Variants in CHSY3 observed in about 807,000 individuals in gnomAD.
CHSY3 encodes the protein N-acetylgalactosaminyl-proteoglycan 3-beta-glucuronosyltransferase 3.
Under a neutral mutation model 67.2 loss-of-function variants are expected in CHSY3, and 35 were observed. That is an observed-to-expected ratio of 0.52 (90% CI 0.40 to 0.69). CHSY3 has a LOEUF of 0.69. CHSY3 is among the 30% of genes least tolerant of loss of function. The probability of loss-of-function intolerance (pLI) is 0.00; values close to 1 mark genes in which losing one functional copy is unlikely to be tolerated. For missense variants in CHSY3, 1,069 were observed against 1,138.5 expected (o/e 0.94, Z 0.88); for synonymous variants, 474 against 434.7 (o/e 1.09, Z -1.12).
chr5:130,060,499 G>T (rs1765676615), intron 2 of CHSY3, among the ~76,000 whole-genome samples: 1 of 152,062 alleles, frequency 6.6e-6, no homozygotes, highest in Non-Finnish European at 1.5e-5. Flanking sequence ...CCAAGAACTG[G>T]AACGAGACAA....
At chr5:129,957,508 A>T (rs1762211528) in intron 2 of CHSY3, among the ~76,000 whole-genome samples, 1 of 152,112 alleles carries the variant, frequency 6.6e-6, no homozygotes, top group South Asian at 2.1e-4. Context: ...TGTATGTGGG[A>T]GATAAACTGA....
chr5:130,000,500 G>A (rs1029920105), intron 2 of CHSY3, among the ~76,000 whole-genome samples: 1 of 151,850 alleles, frequency 6.6e-6, no homozygotes, highest in African/African-American at 2.4e-5. Context: ...GCCGATTTAC[G>A]ATTTTGTGTT....
intron 2 of CHSY3, among the ~76,000 whole-genome samples, chr5:129,928,604 G>T (rs766410879): frequency 2.0e-5 from 3 of 152,004 alleles, no homozygotes; most frequent in East Asian, 3.9e-4. Flanking sequence ...TCTGTAGCTC[G>T]GTGTGGTTCT....
At chr5:129,995,383 C>T (rs1343623725) in intron 2 of CHSY3, among the ~76,000 whole-genome samples, 1 of 151,922 alleles carries the variant, frequency 6.6e-6, no homozygotes, top group African/African-American at 2.4e-5. Context: ...TGGGGTTGGC[C>T]TCTGCACATC....
intron 2 of CHSY3, among the ~76,000 whole-genome samples, chr5:130,173,632 T>C (rs2149733906): frequency 6.6e-6 from 1 of 152,266 alleles, no homozygotes; most frequent in East Asian, 1.9e-4. Context: ...AGCAAAATGT[T>C]CTTATTTTAT....
intron 2 of CHSY3, among the ~76,000 whole-genome samples, chr5:129,953,801 C>A (rs1271937515): frequency 1.3e-5 from 2 of 152,066 alleles, no homozygotes; most frequent in African/African-American, 4.8e-5. Flanking sequence ...CTGTTCATAT[C>A]CTTCTCCCAC....
chr5:129,968,686 G>A (rs951100940), intron 2 of CHSY3, among the ~76,000 whole-genome samples: 2 of 151,822 alleles, frequency 1.3e-5, no homozygotes, highest in African/African-American at 4.8e-5. Context: ...GGAACCAACA[G>A]TTTTGAATGA....
chr5:130,000,492 C>T (rs997222001), intron 2 of CHSY3, among the ~76,000 whole-genome samples: 4 of 152,122 alleles, frequency 2.6e-5, no homozygotes, highest in Admixed American at 6.5e-5. Context: ...TGTCTCTTGC[C>T]GATTTACGAT....
chr5:130,184,243 C>T lies in CHSY3; in HGVS notation c.1101C>T (p.Phe367=), dbSNP rs902190145. ...CVWSYEMQQL[F]HENYEHNRKG... is the part of the protein sequence containing the mutation. The stretch of plus-strand genomic sequence containing the variant: ...TTACTTTTCAGATGCAACAACTGTT[C>T]CATGAAAATTATGAACACAATCGGA... Residue 367 remains phenylalanine (F), a synonymous_variant, in exon 3 of 3, where the codon TTC becomes TTT. Transcript: ENST00000305031. The T allele has an allele frequency of 1.9e-6, 3 of 1,538,590 alleles. No individual in the cohort carries two copies. Among genetic ancestry groups the T allele is most frequent in the African/African-American group, 2.8e-5 (2 of 72,564 alleles).
At chr5:130,065,038 G>A (rs1765838778) in intron 2 of CHSY3, among the ~76,000 whole-genome samples, 2 of 152,124 alleles carry the variant, frequency 1.3e-5, no homozygotes, top group Non-Finnish European at 2.9e-5. Context: ...CATAGGCTGT[G>A]AATAGAACTT....
At chr5:129,928,604 G>A (rs766410879) in intron 2 of CHSY3, among the ~76,000 whole-genome samples, 5 of 151,886 alleles carry the variant, frequency 3.3e-5, no homozygotes, top group South Asian at 2.1e-4. Context: ...TCTGTAGCTC[G>A]GTGTGGTTCT....
chr5:130,076,991 A>G (rs1163359070), intron 2 of CHSY3, among the ~76,000 whole-genome samples: 1 of 151,698 alleles, frequency 6.6e-6, no homozygotes, highest in Non-Finnish European at 1.5e-5. Context: ...AGATATACCT[A>G]ATGCTAAATG....
intron 2 of CHSY3, among the ~76,000 whole-genome samples, chr5:129,959,714 A>G (rs376535100): frequency 6.6e-6 from 1 of 152,148 alleles, no homozygotes; most frequent in African/African-American, 2.4e-5. Flanking sequence ...TTTCTATGTC[A>G]TCAGCATAGG....
At chr5:130,039,042 TA>T (rs1310892017) in intron 2 of CHSY3, among the ~76,000 whole-genome samples, 2 of 152,014 alleles carry the variant, frequency 1.3e-5, no homozygotes, top group Non-Finnish European at 2.9e-5. Flanking sequence ...AGAAAGAAAA[TA>T]AAAAATTAAT....
chr5:130,093,645 A>T lies in CHSY3; in HGVS notation c.1087-90584A>T, dbSNP rs144733767. ...ATTGAAAGAAACTGATGAATGATGT[A>T]GTCGGTTGCACAGAATCACACACAA... On this transcript the variant is annotated intron_variant, in intron 2 of 2. Transcript: ENST00000305031. Among the ~76,000 whole-genome samples the T allele has an allele frequency of 5.9e-5, 9 of 152,312 alleles. No individual in the cohort carries two copies. The East Asian group carries it at 1.7e-3, about 29-fold the overall frequency.
chr5:130,066,727 A>C (rs1428142824), intron 2 of CHSY3, among the ~76,000 whole-genome samples: 1 of 152,104 alleles, frequency 6.6e-6, no homozygotes, highest in Non-Finnish European at 1.5e-5. Context: ...CATGGAGAAA[A>C]TAAGGAGTCA....
intron 2 of CHSY3, among the ~76,000 whole-genome samples, chr5:130,130,623 T>A (rs1035248848): frequency 6.6e-6 from 1 of 152,186 alleles, no homozygotes; most frequent in African/African-American, 2.4e-5. Flanking sequence ...CATTACTTCC[T>A]GCACTTCACT....
Position 130,159,939 on chromosome 5 carries a change from A to AT in CHSY3, c.1087-24281dup, listed in dbSNP as rs558954281. On this transcript the variant is annotated intron_variant, in intron 2 of 2. Coordinates refer to ENST00000305031, the MANE Select transcript of CHSY3 (RefSeq NM_175856.5). Reference sequence around the variant, plus strand: ...CTAACTAAAAATCCCTAATAGTAGCATTTTTTTTTGAAGAAAATCAAAGGC... The same window carrying AT: ...CTAACTAAAAATCCCTAATAGTAGCATTTTTTTTTTGAAGAAAATCAAAGGC... Among the ~76,000 whole-genome samples the AT allele has an allele frequency of 3.8e-3, 577 of 151,282 alleles. 4 individuals carry two copies. The highest frequency in any genetic ancestry group is 0.012 in the African/African-American group (479 of 41,270).
chr5:130,085,252 AC>A (rs1452990331), intron 2 of CHSY3, among the ~76,000 whole-genome samples: 1 of 152,012 alleles, frequency 6.6e-6, no homozygotes, highest in Non-Finnish European at 1.5e-5. Flanking sequence ...AATTTGTAAA[AC>A]TTTTTAATTG....
Sources: allele counts gnomAD v4.1 joint callset (sites outside exome capture counted in the v4.1 genomes callset), GRCh38; gene constraint gnomAD v4.1.1; transcripts MANE v1.5; gene names NCBI Gene and HGNC (gene_info 2026-07-23, HGNC 2026-07-21).